PRKAR2A: variants seen among roughly 807,000 people sequenced by gnomAD.
PRKAR2A encodes cAMP-dependent protein kinase type II-alpha regulatory subunit.
Under a neutral mutation model 51.9 loss-of-function variants are expected in PRKAR2A, and 29 were observed. The observed-to-expected ratio is 0.56, with a 90% CI of 0.42 to 0.76. The LOEUF is 0.76. PRKAR2A is among the 30% of genes least tolerant of loss of function. PRKAR2A has a pLI of 0.00. For synonymous variants in PRKAR2A, 178 were observed against 186.2 expected (o/e 0.96, Z 0.36); for missense variants, 445 against 512.1 (o/e 0.87, Z 1.26).
chr3:48,761,150 C>T (rs1285919092), intron 8 of PRKAR2A, among the ~76,000 whole-genome samples: 5 of 151,438 alleles, frequency 3.3e-5, no homozygotes, highest in Non-Finnish European at 5.9e-5. Context: ...GACGTGGTGG[C>T]GGGCGCCTGT....
rs370852251 is a variant in PRKAR2A, at chr3:48,773,085, G to C, written c.566C>G (p.Thr189Arg). 1 of 1,609,282 alleles carries C rather than the reference G, an allele frequency of 6.2e-7. No individual in the cohort carries two copies. Among genetic ancestry groups the C allele is most frequent in the Non-Finnish European group, 8.5e-7 (1 of 1,177,362 alleles). The change falls in exon 6 of 11, where the codon ACA becomes AGA. Residue 189 changes from threonine to arginine, a missense_variant. Transcript: ENST00000265563. ...AACAGAGCGGGTTTGATTATCTTTT[G>C]TTACTAAAATGTCATAAGTTCCCCT... ...IERGTYDILV[T>R]KDNQTRSVGQ...
rs763368759 is a variant in PRKAR2A at position 48,752,337 on chromosome 3, T to C, written c.940-20A>G. 1.2e-6 allele frequency: 2 copies of C among 1,608,982 alleles called. No homozygotes were observed. Among genetic ancestry groups the C allele is most frequent in the Non-Finnish European group, 1.7e-6 (2 of 1,177,802 alleles). ...TTTAGTCTACAGCAGGCAAAGAACATGACCTAGGCTGACTCCAGGATCACA... is the reference window on the plus strand; with the variant it reads ...TTTAGTCTACAGCAGGCAAAGAACACGACCTAGGCTGACTCCAGGATCACA... On this transcript the variant is annotated intron_variant, in intron 9 of 10. Coordinates refer to ENST00000265563, the MANE Select transcript of PRKAR2A (RefSeq NM_004157.4).
intron 2 of PRKAR2A, among the ~76,000 whole-genome samples, chr3:48,801,947 T>A (rs966856566): frequency 6.6e-6 from 1 of 152,168 alleles, no homozygotes. Flanking sequence ...TTCACTCTTG[T>A]CGCCCAGGCT....
At chr3:48,832,451 T>C (rs2083205647) in intron 1 of PRKAR2A, among the ~76,000 whole-genome samples, 1 of 152,182 alleles carries the variant, frequency 6.6e-6, no homozygotes, top group South Asian at 2.1e-4. Context: ...AAAGTTTTAG[T>C]TACCAGCCTC....
chr3:48,774,139 TTTTTC>T (rs1171323690), intron 5 of PRKAR2A, among the ~76,000 whole-genome samples: 1 of 152,016 alleles, frequency 6.6e-6, no homozygotes, highest in African/African-American at 2.4e-5. Flanking sequence ...GGCCTAATTT[TTTTTC>T]TTTTATTAAT....
At chr3:48,831,149 G>C (rs2083181509) in intron 1 of PRKAR2A, among the ~76,000 whole-genome samples, 1 of 152,078 alleles carries the variant, frequency 6.6e-6, no homozygotes, top group South Asian at 2.1e-4. Context: ...AGCAGGGTAG[G>C]TTTGTTTACA....
At chr3:48,812,475 G>A (rs769640096) in intron 1 of PRKAR2A, among the ~76,000 whole-genome samples, 2 of 150,752 alleles carry the variant, frequency 1.3e-5, no homozygotes, top group Non-Finnish European at 3.0e-5. Context: ...AGGCAACTTT[G>A]AGCAGAAAAA....
At chr3:48,786,093 A>G (rs944319217) in intron 4 of PRKAR2A, among the ~76,000 whole-genome samples, 5 of 151,744 alleles carry the variant, frequency 3.3e-5, no homozygotes, top group Non-Finnish European at 7.4e-5. Flanking sequence ...TAAAACTACT[A>G]TGAAAAATAT....
intron 4 of PRKAR2A, among the ~76,000 whole-genome samples, chr3:48,789,311 G>A (rs1281925366): frequency 6.6e-6 from 1 of 152,106 alleles, no homozygotes; most frequent in Admixed American, 6.6e-5. Flanking sequence ...GAACCCTACT[G>A]ATGTCAATTG....
chr3:48,790,175 G>A (rs1017836408), intron 4 of PRKAR2A, among the ~76,000 whole-genome samples: 10 of 152,124 alleles, frequency 6.6e-5, no homozygotes, highest in South Asian at 4.1e-4. Context: ...GATGATTTGC[G>A]TTCTGGGTGG....
intron 8 of PRKAR2A, among the ~76,000 whole-genome samples, chr3:48,758,698 T>C (rs1387934232): frequency 1.3e-5 from 2 of 151,866 alleles, no homozygotes; most frequent in Non-Finnish European, 2.9e-5. Context: ...GGGGAGCTCA[T>C]ATAGAATAGA....
At chr3:48,808,072 G>C (rs1308989675) in intron 1 of PRKAR2A, among the ~76,000 whole-genome samples, 1 of 144,732 alleles carries the variant, frequency 6.9e-6, no homozygotes, top group Non-Finnish European at 1.5e-5. Context: ...TTTTGAGACG[G>C]AGTCTCGCTC....
intron 8 of PRKAR2A, 83 bp downstream of exon 8, chr3:48,764,921 G>A (rs924040260): frequency 2.4e-5 from 31 of 1,298,536 alleles, no homozygotes; most frequent in Admixed American, 2.1e-4. Flanking sequence ...CACTGCGTCC[G>A]GCAAGAAGTT....
chr3:48,824,065 A>C (rs1222440046), intron 1 of PRKAR2A, among the ~76,000 whole-genome samples: 1 of 152,116 alleles, frequency 6.6e-6, no homozygotes, highest in East Asian at 1.9e-4. Flanking sequence ...ACATGGCGAA[A>C]CCCTGTCTCT....
At chr3:48,755,557 A>G (rs1179041643) in intron 9 of PRKAR2A, among the ~76,000 whole-genome samples, 12 of 151,336 alleles carry the variant, frequency 7.9e-5, no homozygotes, top group African/African-American at 2.7e-4. Context: ...AGCTTTCTTC[A>G]TGTTCATCCC....
chr3:48,803,150 TCA>T (rs2082616940), intron 2 of PRKAR2A, among the ~76,000 whole-genome samples: 2 of 152,104 alleles, frequency 1.3e-5, no homozygotes, highest in Non-Finnish European at 2.9e-5. Flanking sequence ...AGCATGTGGC[TCA>T]CACCTGTAAT....
chr3:48,842,726 G>A lies in PRKAR2A; in HGVS notation c.262+4609C>T, dbSNP rs568437449. 1.5e-4 allele frequency among the ~76,000 whole-genome samples: 23 copies of A among 152,108 alleles called. 1 individual carries two copies. Among genetic ancestry groups the A allele is most frequent in the African/African-American group, 5.5e-4 (23 of 41,512 alleles). Reference sequence around the variant, plus strand: ...TATGCTGGATTACATTTATTGATTTGCGTATATTGAACCAGCCTTGCATCC... The same window carrying A: ...TATGCTGGATTACATTTATTGATTTACGTATATTGAACCAGCCTTGCATCC... On this transcript the variant is annotated intron_variant, in intron 1 of 10. Coordinates refer to ENST00000265563, the MANE Select transcript of PRKAR2A (RefSeq NM_004157.4).
intron 4 of PRKAR2A, among the ~76,000 whole-genome samples, chr3:48,788,927 C>T (rs376971447): frequency 1.3e-5 from 2 of 151,974 alleles, no homozygotes; most frequent in African/African-American, 2.4e-5. Flanking sequence ...ATTTCTACCA[C>T]CAAGAGAGGG....
intron 6 of PRKAR2A, among the ~76,000 whole-genome samples, chr3:48,767,612 A>G (rs909811709): frequency 1.3e-5 from 2 of 152,002 alleles, no homozygotes; most frequent in Non-Finnish European, 2.9e-5. Context: ...CAACACAATG[A>G]GACCTCAACT....
Sources: allele counts gnomAD v4.1 joint callset (sites outside exome capture counted in the v4.1 genomes callset), GRCh38; gene constraint gnomAD v4.1.1; transcripts MANE v1.5; gene names NCBI Gene and HGNC (gene_info 2026-07-23, HGNC 2026-07-21).